Variants in NRXN3 observed in about 807,000 individuals in gnomAD.
The protein encoded by NRXN3 is neurexin III.
NRXN3 carries 32 observed loss-of-function variants against 137.6 expected under a neutral mutation model. That is an observed-to-expected ratio of 0.23 (90% CI 0.18 to 0.31). The LOEUF (loss-of-function observed/expected upper bound fraction) is 0.31, where lower values mean the gene tolerates loss of function less well. Among genes scored for constraint, NRXN3 ranks in the 10% least tolerant of loss-of-function variants. NRXN3 has a pLI of 1.00. For missense variants in NRXN3, 1,574 were observed against 2,062.5 expected, an observed-to-expected ratio of 0.76 and a Z score of 4.59; for synonymous variants, 798 against 784.5, an observed-to-expected ratio of 1.02 and a Z score of -0.29.
intron 20 of NRXN3, among the ~76,000 whole-genome samples, chr14:79,835,789 G>A (rs1193359647): frequency 1.3e-5 from 2 of 152,182 alleles, no homozygotes; most frequent in Non-Finnish European, 2.9e-5. Context: ...TTCTGTGCAA[G>A]TATAAGGATT....
At position 79,688,505 on chromosome 14, in the gene NRXN3, C is replaced by T. The variant is rs113199083; in HGVS notation, c.3617-3668C>T. Among the ~76,000 whole-genome samples, 950 of 152,252 alleles carry T rather than the reference C, an allele frequency of 6.2e-3. 11 individuals carry two copies. Among genetic ancestry groups the T allele is most frequent in the African/African-American group, 0.021 (890 of 41,562 alleles). ...AGAGTTCTATTTTTCAGTTTTTTCACTTGAAATAATTGTATTCCTTGGAGA... is the reference window on the plus strand; with the variant it reads ...AGAGTTCTATTTTTCAGTTTTTTCATTTGAAATAATTGTATTCCTTGGAGA... On this transcript the variant is annotated intron_variant, in intron 17 of 20. Transcript: ENST00000335750.
At chr14:79,079,186 T>C (rs993357922) in intron 15 of NRXN3, among the ~76,000 whole-genome samples, 1 of 152,186 alleles carries the variant, frequency 6.6e-6, no homozygotes, top group Non-Finnish European at 1.5e-5. Context: ...TATAGAAAGA[T>C]ACTTTAGGTG....
At chr14:79,449,460 A>G (rs750943727) in intron 15 of NRXN3, among the ~76,000 whole-genome samples, 46 of 152,166 alleles carry the variant, frequency 3.0e-4, no homozygotes, top group Non-Finnish European at 4.9e-4. Flanking sequence ...CTCAAAGCAA[A>G]TCATTTTTTA....
intron 4 of NRXN3, among the ~76,000 whole-genome samples, chr14:78,374,586 C>T (rs888663580): frequency 1.1e-4 from 16 of 151,930 alleles, no homozygotes; most frequent in African/African-American, 3.9e-4. Context: ...GTCTGGCCAA[C>T]ATGGTGAAAC....
In NRXN3 at chr14:78,225,548, G is replaced by A. The variant is rs540612352; in HGVS notation, c.-703-16843G>A. Among the ~76,000 whole-genome samples, 4 of 151,982 alleles carry A rather than the reference G, an allele frequency of 2.6e-5. No homozygotes were observed. In the South Asian group the frequency reaches 8.3e-4, roughly 32 times the overall value. The stretch of plus-strand genomic sequence containing the variant: ...GCGAAAATTTTCTCCCATTTTGTAG[G>A]TTGCCTGTTCACTCTGATGGTAGTT... On this transcript the variant is annotated intron_variant, in intron 1 of 20. Coordinates refer to ENST00000335750, the MANE Select transcript of NRXN3 (RefSeq NM_001330195.2).
intron 10 of NRXN3, among the ~76,000 whole-genome samples, chr14:78,918,245 A>G (rs1249267790): frequency 2.9e-5 from 4 of 136,998 alleles, no homozygotes; most frequent in Admixed American, 1.6e-4. Context: ...AGATCACGCC[A>G]TTGCACTCCA....
intron 10 of NRXN3, among the ~76,000 whole-genome samples, chr14:78,843,698 G>A (rs1030464004): frequency 3.9e-5 from 6 of 152,004 alleles, no homozygotes; most frequent in Non-Finnish European, 8.8e-5. Flanking sequence ...ATAAAGAAGG[G>A]AGGTTCTTCC....
chr14:79,494,186 T>C (rs1403058646), intron 16 of NRXN3, among the ~76,000 whole-genome samples: 3 of 152,222 alleles, frequency 2.0e-5, no homozygotes, highest in Admixed American at 6.5e-5. Context: ...ATATAGATCA[T>C]TAAAACCAAA....
intron 4 of NRXN3, among the ~76,000 whole-genome samples, chr14:78,436,928 A>G (rs1246799280): frequency 6.6e-6 from 1 of 152,234 alleles, no homozygotes; most frequent in Non-Finnish European, 1.5e-5. Flanking sequence ...CTTATGGGTG[A>G]TGGCTAAGAG....
At chr14:79,769,176 G>A (rs1017069988) in intron 19 of NRXN3, among the ~76,000 whole-genome samples, 20 of 148,128 alleles carry the variant, frequency 1.4e-4, no homozygotes, top group African/African-American at 4.2e-4. Context: ...CCGGGAGAAT[G>A]GAACCAAGTT....
intron 15 of NRXN3, among the ~76,000 whole-genome samples, chr14:79,259,228 T>C (rs1389757726): frequency 6.6e-6 from 1 of 152,236 alleles, no homozygotes; most frequent in Non-Finnish European, 1.5e-5. Context: ...TTGTTCGTGA[T>C]GTTAAATAAA....
chr14:78,550,987 C>A (rs2096682904), intron 4 of NRXN3, among the ~76,000 whole-genome samples: 1 of 152,126 alleles, frequency 6.6e-6, no homozygotes, highest in Non-Finnish European at 1.5e-5. Flanking sequence ...GGGTTAATGA[C>A]CTTGTGTAAG....
rs144357941 is a variant in NRXN3 at position 78,646,987 on chromosome 14, G to T, written c.1059+1566G>T. Among the ~76,000 whole-genome samples the T allele has an allele frequency of 6.6e-5, 10 of 152,194 alleles. No individual in the cohort carries two copies. In the East Asian group the frequency reaches 1.9e-3, roughly 29 times the overall value. ...TTGATTGGCAGGTACAAAATAACACGCTTTAGGCATTAATCAGTGGAGGAG... is the reference window on the plus strand; with the variant it reads ...TTGATTGGCAGGTACAAAATAACACTCTTTAGGCATTAATCAGTGGAGGAG... On this transcript the variant is annotated intron_variant, in intron 5 of 20. Transcript: ENST00000335750.
intron 15 of NRXN3, among the ~76,000 whole-genome samples, chr14:79,031,546 A>G (rs2099608247): frequency 1.3e-5 from 2 of 152,136 alleles, no homozygotes; most frequent in South Asian, 4.1e-4. Context: ...AGGGCACTAT[A>G]AGGTTCACAA....
At chr14:78,775,801 TC>T (rs2098743134) in intron 8 of NRXN3, among the ~76,000 whole-genome samples, 1 of 152,248 alleles carries the variant, frequency 6.6e-6, no homozygotes, top group South Asian at 2.1e-4. Flanking sequence ...TCCCCTTTTA[TC>T]CAAGATTTCA....
chr14:78,576,666 AC>A (rs2096938980), intron 4 of NRXN3, among the ~76,000 whole-genome samples: 20 of 152,176 alleles, frequency 1.3e-4, no homozygotes, highest in Admixed American at 5.2e-4. Context: ...TATTTGTGTC[AC>A]ATTCACTAAC....
At chr14:79,708,501 T>TG (rs1360894646) in intron 19 of NRXN3, among the ~76,000 whole-genome samples, 1 of 151,666 alleles carries the variant, frequency 6.6e-6, no homozygotes, top group South Asian at 2.1e-4. Flanking sequence ...AAGAATTGTT[T>TG]TTTTTTTTTC....
At chr14:79,841,472 C>A (rs2099355723) in intron 20 of NRXN3, among the ~76,000 whole-genome samples, 1 of 152,096 alleles carries the variant, frequency 6.6e-6, no homozygotes, top group Non-Finnish European at 1.5e-5. Context: ...CAAAATAAAC[C>A]TTTTTGAATA....
intron 4 of NRXN3, among the ~76,000 whole-genome samples, chr14:78,517,967 G>C (rs953451998): frequency 5.9e-5 from 9 of 152,116 alleles, no homozygotes; most frequent in African/African-American, 2.2e-4. Context: ...TCTCTGCCTA[G>C]ACAAATGGAT....
Sources: allele counts gnomAD v4.1 joint callset (sites outside exome capture counted in the v4.1 genomes callset), GRCh38; gene constraint gnomAD v4.1.1; transcripts MANE v1.5; gene names NCBI Gene and HGNC (gene_info 2026-07-23, HGNC 2026-07-21).